The following TTC27 variants were observed in gnomAD, a reference collection of about 807,000 sequenced individuals.
TTC27 encodes tetratricopeptide repeat protein 27.
TTC27 carries 79 observed loss-of-function variants against 115.9 expected under a neutral mutation model. That is an observed-to-expected ratio of 0.68 (90% CI 0.57 to 0.82). The LOEUF (loss-of-function observed/expected upper bound fraction) is 0.82. Ranked by LOEUF, TTC27 falls within the 40% of genes least tolerant of loss-of-function variation. TTC27 has a pLI of 0.00. For missense variants in TTC27, 1,054 were observed against 993.1 expected, an observed-to-expected ratio of 1.06 and a Z score of -0.82; for synonymous variants, 401 against 356.0, an observed-to-expected ratio of 1.13 and a Z score of -1.42.
At chr2:32,753,137 C>A (rs963310950) in intron 12 of TTC27, among the ~76,000 whole-genome samples, 2 of 152,098 alleles carry the variant, frequency 1.3e-5, no homozygotes, top group Non-Finnish European at 1.5e-5. Context: ...CAGGGCCTGT[C>A]AGTGGGATTT....
At chr2:32,708,819 A>C (rs1354848995) in intron 10 of TTC27, among the ~76,000 whole-genome samples, 1 of 152,110 alleles carries the variant, frequency 6.6e-6, no homozygotes. Flanking sequence ...CAGAAATAGA[A>C]ACTAAGAACC....
intron 5 of TTC27, among the ~76,000 whole-genome samples, chr2:32,651,644 G>A (rs981619951): frequency 3.3e-5 from 5 of 152,000 alleles, no homozygotes; most frequent in East Asian, 3.9e-4. Context: ...TGCGCCCGGC[G>A]TCCTTCAAGA....
intron 9 of TTC27, among the ~76,000 whole-genome samples, chr2:32,694,522 T>C (rs922156143): frequency 3.9e-5 from 6 of 152,142 alleles, no homozygotes; most frequent in Admixed American, 1.3e-4. Flanking sequence ...CTGGGTAACA[T>C]TGTAAGATCC....
intron 4 of TTC27, among the ~76,000 whole-genome samples, chr2:32,649,466 G>C (rs545581673): frequency 6.6e-6 from 1 of 152,128 alleles, no homozygotes; most frequent in African/African-American, 2.4e-5. Context: ...CCCCACAGGG[G>C]GTTCTTGTGG....
At chr2:32,725,089 A>ACCTCCCACTGGGTC (rs1668063703) in intron 10 of TTC27, among the ~76,000 whole-genome samples, 1 of 152,026 alleles carries the variant, frequency 6.6e-6, no homozygotes, top group Non-Finnish European at 1.5e-5. Flanking sequence ...TGATTCAGTT[A>ACCTCCCACTGGGTC]CCTCCCACTG....
At chr2:32,720,702 A>C (rs544722409) in intron 10 of TTC27, among the ~76,000 whole-genome samples, 1 of 152,340 alleles carries the variant, frequency 6.6e-6, no homozygotes, top group African/African-American at 2.4e-5. Context: ...TGTGCTCCTA[A>C]GAAGTAATAA....
At chr2:32,781,627 A>G (rs1010788958) in intron 14 of TTC27, among the ~76,000 whole-genome samples, 7 of 152,094 alleles carry the variant, frequency 4.6e-5, no homozygotes, top group African/African-American at 1.2e-4. Flanking sequence ...AAAAAAATCA[A>G]TGGAGATGGA....
At chr2:32,798,226 A>G (rs1246534673) in intron 16 of TTC27, among the ~76,000 whole-genome samples, 9 of 136,442 alleles carry the variant, frequency 6.6e-5, no homozygotes, top group African/African-American at 8.2e-5. Context: ...CTAACACAGT[A>G]AAACCCCATC....
intron 2 of TTC27, among the ~76,000 whole-genome samples, chr2:32,631,041 C>A (rs1325503036): frequency 1.3e-5 from 2 of 152,152 alleles, no homozygotes; most frequent in Non-Finnish European, 2.9e-5. Context: ...CAGTGCTTCA[C>A]GCCTGTAGTC....
chr2:32,738,641 T>C (rs1333917981), intron 12 of TTC27, among the ~76,000 whole-genome samples: 1 of 152,224 alleles, frequency 6.6e-6, no homozygotes, highest in African/African-American at 2.4e-5. Flanking sequence ...ATTTAAAATA[T>C]CTTCAAAAGG....
intron 10 of TTC27, among the ~76,000 whole-genome samples, chr2:32,723,460 TGTTTTTCTCTCTCCC>T (rs1667990429): frequency 6.6e-6 from 1 of 152,086 alleles, no homozygotes; most frequent in Non-Finnish European, 1.5e-5. Flanking sequence ...CATCTCCAGA[TGTTTTTCTCTCTCCC>T]CAGGTACACA....
At chr2:32,770,977 G>A (rs1225707838) in intron 13 of TTC27, among the ~76,000 whole-genome samples, 2 of 152,136 alleles carry the variant, frequency 1.3e-5, no homozygotes, top group Non-Finnish European at 2.9e-5. Context: ...ATATTGGTAA[G>A]CAGTACAGAA....
At position 32,630,685 on chromosome 2, in the gene TTC27, T is replaced by C; in HGVS notation, c.251T>C (p.Leu84Ser). ...VVTFLDYSTD[L>S]DTTERQQLIF... ...ACATTCCTGGATTACTCAACAGATT[T>C]GGACACAACGGAAAGGTAGAATTTT... The change falls in exon 2 of 20, where the codon TTG (leucine) becomes TCG (serine). Residue 84 changes from leucine (L) to serine (S), a missense_variant. Leu to Ser is a moderately radical substitution (Grantham distance 145). Transcript: ENST00000317907. 1 of 1,607,116 alleles carries C rather than the reference T, an allele frequency of 6.2e-7. No individual in the cohort carries two copies. The highest frequency in any genetic ancestry group is 8.5e-7 in the Non-Finnish European group (1 of 1,178,080).
At chr2:32,630,329 G>C (rs1664132348) in intron 1 of TTC27, among the ~76,000 whole-genome samples, 194 bp from the exon 2 acceptor site, 1 of 152,158 alleles carries the variant, frequency 6.6e-6, no homozygotes, top group Non-Finnish European at 1.5e-5. Flanking sequence ...TGAGTGAGCT[G>C]CTAATTCTAG....
intron 9 of TTC27, among the ~76,000 whole-genome samples, chr2:32,692,961 G>A (rs1421149304): frequency 1.0e-4 from 15 of 149,734 alleles, no homozygotes; most frequent in Non-Finnish European, 7.4e-5. Context: ...GGGTAACAGA[G>A]TGAGACTCTG....
rs139364992 is a variant in TTC27, at chr2:32,630,616, C to G, written c.182C>G (p.Thr61Ser). ...CAAAATATTTTTAATTCAACAACAA[C>G]CGCTGAAGAAAAGATTGATAGCTAC... ...MTQNIFNSTT[T>S]AEEKIDSYLE... The change falls in exon 2 of 20, where the codon ACC becomes AGC. Residue 61 changes from threonine to serine, a missense_variant. Thr to Ser is a moderately conservative substitution (Grantham distance 58). Transcript: ENST00000317907. 8.1e-6 allele frequency: 13 copies of G among 1,613,650 alleles called. No individual in the cohort carries two copies. In the African/African-American group the frequency reaches 1.7e-4, roughly 22 times the overall value.
intron 9 of TTC27, among the ~76,000 whole-genome samples, chr2:32,696,746 G>T (rs765640113): frequency 6.6e-6 from 1 of 152,144 alleles, no homozygotes; most frequent in Non-Finnish European, 1.5e-5. Flanking sequence ...AAATCATGTG[G>T]AATACTATAT....
chr2:32,719,285 G>C (rs897323601), intron 10 of TTC27, among the ~76,000 whole-genome samples: 1 of 152,148 alleles, frequency 6.6e-6, no homozygotes, highest in Non-Finnish European at 1.5e-5. Flanking sequence ...GATACAAAAG[G>C]CTTTGCAGTG....
At chr2:32,760,848 T>A (rs569557313) in intron 13 of TTC27, among the ~76,000 whole-genome samples, 152 of 152,252 alleles carry the variant, frequency 1.0e-3, no homozygotes, top group African/African-American at 3.4e-3. Flanking sequence ...TCTCAACACA[T>A]CAGCATTATC....
Sources: gnomAD v4.1 joint callset for allele counts (sites outside exome capture counted in the v4.1 genomes callset) on GRCh38, gnomAD v4.1.1 for gene constraint, MANE v1.5 for transcripts, NCBI Gene and HGNC (gene_info 2026-07-23, HGNC 2026-07-21) for gene names.